The following NFYA variants were observed in gnomAD, a reference collection of about 807,000 sequenced individuals.
NFYA encodes the protein nuclear transcription factor Y subunit alpha.
Under a neutral mutation model 52.8 loss-of-function variants are expected in NFYA, and 28 were observed. The ratio of observed to expected loss-of-function variants is 0.53; its 90% CI spans 0.39 to 0.73. NFYA has a LOEUF of 0.73. Among genes scored for constraint, NFYA ranks in the 30% least tolerant of loss-of-function variants. The pLI is 0.00. For missense variants in NFYA, 234 were observed against 427.0 expected, an observed-to-expected ratio of 0.55 and a Z score of 3.98; for synonymous variants, 150 against 150.7, an observed-to-expected ratio of 1.00 and a Z score of 0.03.
intron 1 of NFYA, among the ~76,000 whole-genome samples, chr6:41,076,057 T>C (rs1234154725): frequency 6.6e-6 from 1 of 152,148 alleles, no homozygotes; most frequent in African/African-American, 2.4e-5. Context: ...GACCCACTTG[T>C]TGAGTTGTGA....
chr6:41,094,357 A>G, intron 8 of NFYA, 39 bp from the exon 9 acceptor site: 2 of 1,551,974 alleles, frequency 1.3e-6, no homozygotes, highest in Middle Eastern at 1.7e-4. Context: ...CTGGTTCTGG[A>G]TAGTATTAAT....
At chr6:41,089,497 A>G in intron 4 of NFYA, 82 bp from the exon 5 acceptor site, 1 of 1,391,288 alleles carries the variant, frequency 7.2e-7, no homozygotes, top group East Asian at 2.6e-5. Flanking sequence ...TCTGCTTTCT[A>G]GAGAAATGTG....
intron 4 of NFYA, 43 bp from the exon 5 acceptor site, chr6:41,089,536 G>C (rs371776233): frequency 6.5e-7 from 1 of 1,538,522 alleles, no homozygotes; most frequent in African/African-American, 1.4e-5. Flanking sequence ...AAGGAGACCA[G>C]TGTCAGTAGA....
At chr6:41,090,983 G>A (rs1020338016) in intron 6 of NFYA, among the ~76,000 whole-genome samples, 1 of 152,212 alleles carries the variant, frequency 6.6e-6, no homozygotes, top group African/African-American at 2.4e-5. Context: ...TGCACTAACT[G>A]TGTGCTCTTG....
intron 6 of NFYA, 113 bp downstream of exon 6, chr6:41,090,422 C>G: frequency 2.2e-6 from 1 of 449,564 alleles, no homozygotes; most frequent in Non-Finnish European, 4.1e-6. Flanking sequence ...ATTTTTTGGA[C>G]AAAAAAAAAA....
In NFYA at chr6:41,093,069, T is replaced by C; in HGVS notation, c.872T>C (p.Ile291Thr). The C allele has an allele frequency of 1.9e-6, 3 of 1,613,982 alleles. No homozygotes were observed. The highest frequency in any genetic ancestry group is 2.5e-6 in the Non-Finnish European group (3 of 1,179,916). Residue 291 changes from isoleucine (I) to threonine (T), a missense_variant, in exon 8 of 10, where the codon ATT becomes ACT. Physicochemically the swap from Ile to Thr is moderately conservative, Grantham distance 89. Transcript: ENST00000341376. ...ARAKLEAEGK[I>T]PKERRKYLHE... ...GCTAAACTAGAGGCAGAAGGGAAAA[T>C]TCCAAAGGAGAGAAGGGTATGTATA...
At position 41,090,329 on chromosome 6, in the gene NFYA, T is replaced by G. The variant is rs769684065; in HGVS notation, c.547+20T>G. The G allele has an allele frequency of 7.6e-6, 12 of 1,574,986 alleles. No homozygotes were observed. In the South Asian group the frequency reaches 8.9e-5, roughly 12 times the overall value. On this transcript the variant is annotated intron_variant, in intron 6 of 9. Transcript: ENST00000341376. The stretch of plus-strand genomic sequence containing the variant: ...AGCAAGGTAAGTGTACCCATAAGCT[T>G]CCCTAGGACTTTTTGGGGCAACTTT...
intron 1 of NFYA, among the ~76,000 whole-genome samples, chr6:41,077,469 G>T (rs991808377): frequency 6.6e-6 from 1 of 152,256 alleles, no homozygotes; most frequent in East Asian, 1.9e-4. Flanking sequence ...GTCTTTTGGA[G>T]ATTTTATATA....
chr6:41,082,347 T>C (rs1763933383), intron 3 of NFYA, among the ~76,000 whole-genome samples: 1 of 152,246 alleles, frequency 6.6e-6, no homozygotes, highest in African/African-American at 2.4e-5. Context: ...CTTACTCATA[T>C]ATAAAACAGT....
intron 4 of NFYA, among the ~76,000 whole-genome samples, chr6:41,084,673 T>G (rs1001729369): frequency 6.6e-6 from 1 of 152,066 alleles, no homozygotes; most frequent in Non-Finnish European, 1.5e-5. Flanking sequence ...TAGAAGAGAT[T>G]AAAGGAAGGC....
chr6:41,075,305 C>G (rs940814752), intron 1 of NFYA: 2 of 152,254 alleles, frequency 1.3e-5, no homozygotes, highest in African/African-American at 4.8e-5. Flanking sequence ...CCTTCTTGTT[C>G]TCCCAAAACG....
At chr6:41,096,758 G>C (rs1212925201) in intron 9 of NFYA, among the ~76,000 whole-genome samples, 1 of 152,202 alleles carries the variant, frequency 6.6e-6, no homozygotes, top group Non-Finnish European at 1.5e-5. Context: ...TCTTAAGTGA[G>C]AAACAGCATA....
chr6:41,073,621 G>A (rs1763616494), intron 1 of NFYA, among the ~76,000 whole-genome samples: 1 of 151,954 alleles, frequency 6.6e-6, no homozygotes, highest in African/African-American at 2.4e-5. Flanking sequence ...CCTCTAGGTC[G>A]GGAGGGAGGC....
chr6:41,079,036 C>T lies in NFYA; in HGVS notation c.-54C>T. The T allele has an allele frequency of 6.5e-7, 1 of 1,547,964 alleles. No homozygotes were observed. The highest frequency in any genetic ancestry group is 8.9e-7 in the Non-Finnish European group (1 of 1,122,470). On this transcript the variant is annotated 5_prime_UTR_variant, in exon 2 of 10. Coordinates refer to ENST00000341376, the MANE Select transcript of NFYA (RefSeq NM_002505.5). ...TCCCCACCTTTCTAACAGGAGTGTA[C>T]CTCACAGCCTTCTAGGATCTCCAGA...
chr6:41,095,360 C>T (rs985914555), intron 9 of NFYA, among the ~76,000 whole-genome samples: 1 of 152,144 alleles, frequency 6.6e-6, no homozygotes, highest in African/African-American at 2.4e-5. Context: ...AGTCTGTATG[C>T]CCTTTATCTT....
At chr6:41,091,432 T>C in intron 6 of NFYA, 96 bp from the exon 7 acceptor site, 1 of 1,220,868 alleles carries the variant, frequency 8.2e-7, no homozygotes, top group Non-Finnish European at 1.1e-6. Flanking sequence ...CCAGGATCGG[T>C]GAGTGTATAC....
chr6:41,079,257 A>G, intron 2 of NFYA, 93 bp downstream of exon 2: 2 of 1,182,446 alleles, frequency 1.7e-6, no homozygotes, highest in Non-Finnish European at 2.5e-6. Context: ...GAATTATTTG[A>G]AAGATACCAG....
chr6:41,078,704 A>C (rs1267948954), intron 1 of NFYA, among the ~76,000 whole-genome samples: 3 of 152,236 alleles, frequency 2.0e-5, no homozygotes, highest in African/African-American at 7.2e-5. Context: ...GTATATGTGC[A>C]AACCTGAAAA....
chr6:41,092,869 A>C lies in NFYA; in HGVS notation c.715-43A>C, dbSNP rs764159604. 6 of 1,577,234 alleles carry C rather than the reference A, an allele frequency of 3.8e-6. No individual in the cohort carries two copies. The East Asian group carries it at 1.1e-4, about 30-fold the overall frequency. ...GAACCAAGAAACTGTTTCTATGTCC[A>C]TACTTCATGCCACCAATAAGCTCTG... On this transcript the variant is annotated intron_variant, in intron 7 of 9. Transcript: ENST00000341376.
Sources: allele counts gnomAD v4.1 joint callset (sites outside exome capture counted in the v4.1 genomes callset), GRCh38; gene constraint gnomAD v4.1.1; transcripts MANE v1.5; gene names NCBI Gene and HGNC (gene_info 2026-07-23, HGNC 2026-07-21).